The following SLC1A1 variants were observed in gnomAD, a reference collection of about 807,000 sequenced individuals.
SLC1A1 encodes solute carrier family 1 member 1.
In SLC1A1, 43 loss-of-function variants were observed where a neutral mutation model predicts 53.3. That is an observed-to-expected ratio of 0.81 (90% CI 0.63 to 1.04). SLC1A1 has a LOEUF of 1.04. SLC1A1 is among the 50% of genes least tolerant of loss of function. The pLI, the probability that SLC1A1 is intolerant of heterozygous loss-of-function variation, is 0.00. For synonymous variants in SLC1A1, 307 were observed against 243.2 expected, an observed-to-expected ratio of 1.26 and a Z score of -2.44; for missense variants, 748 against 664.9, an observed-to-expected ratio of 1.12 and a Z score of -1.37.
intron 4 of SLC1A1, among the ~76,000 whole-genome samples, chr9:4,565,353 T>C (rs374824091): frequency 6.6e-6 from 1 of 152,174 alleles, no homozygotes; most frequent in South Asian, 2.1e-4. Context: ...TATTAGTCCA[T>C]TTTCACACTG....
At chr9:4,530,661 C>T (rs1214931051) in intron 1 of SLC1A1, among the ~76,000 whole-genome samples, 21 of 152,158 alleles carry the variant, frequency 1.4e-4, no homozygotes, top group Admixed American at 1.4e-3. Flanking sequence ...AACCACATTT[C>T]CTGTTGATGG....
intron 1 of SLC1A1, among the ~76,000 whole-genome samples, chr9:4,522,021 C>G (rs1386443439): frequency 2.7e-5 from 4 of 145,614 alleles, no homozygotes; most frequent in Non-Finnish European, 6.0e-5. Context: ...AAGTATACTT[C>G]TAATGAATCA....
intron 5 of SLC1A1, among the ~76,000 whole-genome samples, chr9:4,566,987 A>C (rs1819551197): frequency 6.6e-6 from 1 of 152,198 alleles, no homozygotes; most frequent in African/African-American, 2.4e-5. Context: ...CCTCTATTAC[A>C]GGGGGCCTTT....
chr9:4,546,659 A>T (rs1200360336), intron 2 of SLC1A1, among the ~76,000 whole-genome samples: 2 of 152,200 alleles, frequency 1.3e-5, no homozygotes, highest in Non-Finnish European at 2.9e-5. Flanking sequence ...CATATCAAAG[A>T]TTCTTTAAAA....
At chr9:4,558,404 T>A (rs1316862523) in intron 2 of SLC1A1, among the ~76,000 whole-genome samples, 1 of 152,182 alleles carries the variant, frequency 6.6e-6, no homozygotes, top group Non-Finnish European at 1.5e-5. Context: ...AAATATCTGA[T>A]ATATCCGGGA....
At chr9:4,572,659 C>T (rs866623031) in intron 7 of SLC1A1, among the ~76,000 whole-genome samples, 5 of 152,136 alleles carry the variant, frequency 3.3e-5, no homozygotes, top group Non-Finnish European at 7.3e-5. Flanking sequence ...GCGATCCTCC[C>T]GTCTCAGCTA....
chr9:4,540,200 CTGG>C (rs1816886520), intron 1 of SLC1A1, among the ~76,000 whole-genome samples: 1 of 152,094 alleles, frequency 6.6e-6, no homozygotes, highest in Non-Finnish European at 1.5e-5. Context: ...AGGGAGGAGT[CTGG>C]CCAGGGATGG....
At chr9:4,514,245 C>A (rs576602435) in intron 1 of SLC1A1, among the ~76,000 whole-genome samples, 1 of 152,264 alleles carries the variant, frequency 6.6e-6, no homozygotes, top group Admixed American at 6.5e-5. Context: ...CATACATGTC[C>A]AGCATTTGCA....
rs775347892 is a variant in SLC1A1 at position 4,572,356 on chromosome 9, T to C, written c.735T>C (p.Asp245=). Residue 245 remains aspartate (D), a synonymous_variant, in exon 7 of 12, where the codon GAT becomes GAC. Coordinates refer to ENST00000262352, the MANE Select transcript of SLC1A1 (RefSeq NM_004170.6). ...TGGATTTCTTCAATGCTTTGAGTGA[T>C]GCAACCATGAAAATCGTTCAGATCA... ...ILVDFFNALS[D]ATMKIVQIIM... is the part of the protein sequence containing the mutation. The C allele has an allele frequency of 1.2e-6, 2 of 1,614,076 alleles. No individual in the cohort carries two copies. Among genetic ancestry groups the C allele is most frequent in the Non-Finnish European group, 1.7e-6 (2 of 1,180,020 alleles).
intron 1 of SLC1A1, among the ~76,000 whole-genome samples, chr9:4,540,647 C>G (rs147191736): frequency 6.6e-6 from 1 of 152,294 alleles, no homozygotes; most frequent in African/African-American, 2.4e-5. Context: ...CCTGTGGACT[C>G]CCTTCTGCAA....
intron 2 of SLC1A1, among the ~76,000 whole-genome samples, chr9:4,551,201 T>C (rs924003924): frequency 6.6e-6 from 1 of 152,290 alleles, no homozygotes; most frequent in Non-Finnish European, 1.5e-5. Flanking sequence ...CTTAAATCTT[T>C]GGGGCTGAGG....
At chr9:4,515,051 C>T (rs1412434294) in intron 1 of SLC1A1, among the ~76,000 whole-genome samples, 1 of 151,862 alleles carries the variant, frequency 6.6e-6, no homozygotes, top group Admixed American at 6.6e-5. Context: ...CTCTCTCCCC[C>T]AACCCCCACC....
chr9:4,517,864 T>C (rs550378451), intron 1 of SLC1A1, among the ~76,000 whole-genome samples: 2 of 152,134 alleles, frequency 1.3e-5, no homozygotes, highest in Non-Finnish European at 2.9e-5. Flanking sequence ...CTGATCCCTG[T>C]AGCCTTGTAC....
intron 1 of SLC1A1, among the ~76,000 whole-genome samples, chr9:4,540,082 C>A (rs1027644009): frequency 6.6e-6 from 1 of 152,064 alleles, no homozygotes; most frequent in African/African-American, 2.4e-5. Context: ...CATCATGTGC[C>A]CATAAAAACC....
chr9:4,535,009 C>A (rs543137194), intron 1 of SLC1A1, among the ~76,000 whole-genome samples: 14 of 152,154 alleles, frequency 9.2e-5, no homozygotes, highest in South Asian at 2.1e-4. Flanking sequence ...ATTCAACAAC[C>A]CTTCATTCTA....
chr9:4,520,029 T>C (rs1816010864), intron 1 of SLC1A1, among the ~76,000 whole-genome samples: 1 of 152,236 alleles, frequency 6.6e-6, no homozygotes, highest in Non-Finnish European at 1.5e-5. Context: ...TTTTGATTTA[T>C]CTTTAGACAC....
chr9:4,503,793 C>T (rs1159422764), intron 1 of SLC1A1, among the ~76,000 whole-genome samples: 1 of 151,914 alleles, frequency 6.6e-6, no homozygotes. Flanking sequence ...CAGCATTGTA[C>T]TTACTTCACA....
At chr9:4,578,155 G>C (rs952350291) in intron 10 of SLC1A1, among the ~76,000 whole-genome samples, 1 of 152,220 alleles carries the variant, frequency 6.6e-6, no homozygotes, top group Non-Finnish European at 1.5e-5. Flanking sequence ...TATAGGTCTG[G>C]CTGCAGATAC....
At chr9:4,558,020 C>A (rs919933166) in intron 2 of SLC1A1, among the ~76,000 whole-genome samples, 2 of 152,152 alleles carry the variant, frequency 1.3e-5, no homozygotes, top group Admixed American at 6.5e-5. Flanking sequence ...CATTAACATG[C>A]AGTCAATATA....
Sources: gnomAD v4.1 joint callset for allele counts (sites outside exome capture counted in the v4.1 genomes callset) on GRCh38, gnomAD v4.1.1 for gene constraint, MANE v1.5 for transcripts, NCBI Gene and HGNC (gene_info 2026-07-23, HGNC 2026-07-21) for gene names.